MSH3: variants seen among roughly 807,000 people sequenced by gnomAD.
MSH3 encodes mutS homolog 3.
MSH3 carries 106 observed loss-of-function variants against 123.3 expected under a neutral mutation model. The ratio of observed to expected loss-of-function variants is 0.86; its 90% CI spans 0.73 to 1.01. The LOEUF is 1.01. Among genes scored for constraint, MSH3 ranks in the 50% least tolerant of loss-of-function variants. The pLI is 0.00. For missense variants in MSH3, 1,459 were observed against 1,347.6 expected (o/e 1.08, Z -1.29); for synonymous variants, 515 against 481.4 (o/e 1.07, Z -0.91).
At chr5:80,871,344 C>T (rs1746212567) in intron 22 of MSH3, among the ~76,000 whole-genome samples, 1 of 152,182 alleles carries the variant, frequency 6.6e-6, no homozygotes, top group African/African-American at 2.4e-5. Flanking sequence ...CTTAGAACAA[C>T]AAACATTTAT....
In MSH3 at chr5:80,831,925, G is replaced by A. The variant is rs181955684; in HGVS notation, c.2813+18184G>A. On this transcript the variant is annotated intron_variant, in intron 20 of 23. Transcript: ENST00000265081. ...AGATCGAGACCATCCTGGCTAACAC[G>A]GTGAAACCCTGTCTCTACTAAAAAT... is the stretch of plus-strand genomic sequence containing the variant. Among the ~76,000 whole-genome samples the A allele has an allele frequency of 7.4e-3, 1,120 of 152,040 alleles. 16 individuals are homozygous for A. Among genetic ancestry groups the A allele is most frequent in the African/African-American group, 0.026 (1,080 of 41,486 alleles).
chr5:80,671,284 A>G (rs1249470820), intron 4 of MSH3, among the ~76,000 whole-genome samples: 1 of 152,206 alleles, frequency 6.6e-6, no homozygotes, highest in African/African-American at 2.4e-5. Context: ...TGATGATTCT[A>G]TAGTTTGGGA....
chr5:80,778,366 TC>T (rs1019481879), intron 16 of MSH3, among the ~76,000 whole-genome samples: 3 of 152,228 alleles, frequency 2.0e-5, no homozygotes, highest in African/African-American at 7.2e-5. Context: ...TGTATCTACC[TC>T]CCAGCTTTGT....
intron 8 of MSH3, among the ~76,000 whole-genome samples, chr5:80,687,925 T>C (rs1040452226): frequency 6.6e-6 from 1 of 151,848 alleles, no homozygotes; most frequent in African/African-American, 2.4e-5. Flanking sequence ...ATGCCAATAG[T>C]TGGGAATAGG....
rs1377555980 is a variant in MSH3 at position 80,787,643 on chromosome 5, C to T, written c.2514C>T (p.Ala838=). 1.2e-6 allele frequency: 2 copies of T among 1,613,756 alleles called. No homozygotes were observed. The highest frequency in any genetic ancestry group is 1.1e-5 in the South Asian group (1 of 91,084). The change falls in exon 18 of 24, where the codon GCC becomes GCT. Residue 838 remains alanine (A), a synonymous_variant. Transcript: ENST00000265081. ...CTGTTGACTGCATTTTCTCCCTGGC[C>T]AAGGTCGCTAAGCAAGGAGATTACT... ...LATVDCIFSL[A]KVAKQGDYCR... is the part of the protein sequence containing the mutation.
At chr5:80,727,474 A>C (rs1043672063) in intron 9 of MSH3, among the ~76,000 whole-genome samples, 2 of 152,210 alleles carry the variant, frequency 1.3e-5, no homozygotes, top group African/African-American at 4.8e-5. Flanking sequence ...AGTCGTATAT[A>C]AGGAAAAAAG....
Position 80,826,768 on chromosome 5 carries a change from C to T in MSH3, c.2813+13027C>T, listed in dbSNP as rs539763983. On this transcript the variant is annotated intron_variant, in intron 20 of 23. Coordinates refer to ENST00000265081, the MANE Select transcript of MSH3 (RefSeq NM_002439.5). ...TTCACCACATTGGGCAAGCTGGTCTCGAACTCCTAACCTCAGGTAATCCAC... is the reference window on the plus strand; with the variant it reads ...TTCACCACATTGGGCAAGCTGGTCTTGAACTCCTAACCTCAGGTAATCCAC... Among the ~76,000 whole-genome samples the T allele has an allele frequency of 1.4e-4, 22 of 152,082 alleles. 1 individual carries two copies. Among genetic ancestry groups the T allele is most frequent in the Non-Finnish European group, 5.9e-5 (4 of 68,014 alleles).
chr5:80,673,019 G>C (rs1749757911), intron 6 of MSH3, among the ~76,000 whole-genome samples, 161 bp downstream of exon 6: 1 of 152,122 alleles, frequency 6.6e-6, no homozygotes, highest in Non-Finnish European at 1.5e-5. Context: ...TATTCAAGAG[G>C]GAAGTAGTGG....
chr5:80,869,071 AAC>A (rs767594228), intron 22 of MSH3, among the ~76,000 whole-genome samples: 3 of 152,192 alleles, frequency 2.0e-5, no homozygotes, highest in Non-Finnish European at 4.4e-5. Context: ...ACAATGGACA[AAC>A]AGTTAAGAAA....
chr5:80,789,575 T>A (rs1237072842), intron 18 of MSH3, among the ~76,000 whole-genome samples: 1 of 152,190 alleles, frequency 6.6e-6, no homozygotes, highest in Non-Finnish European at 1.5e-5. Flanking sequence ...TTTACCATGT[T>A]GGCCAGGCTG....
chr5:80,844,474 G>A (rs1745682555), intron 20 of MSH3, among the ~76,000 whole-genome samples: 1 of 152,102 alleles, frequency 6.6e-6, no homozygotes, highest in South Asian at 2.1e-4. Context: ...CTGTCTCATT[G>A]ATCTGTCTAA....
At chr5:80,773,476 G>T (rs1350292531) in intron 15 of MSH3, among the ~76,000 whole-genome samples, 1 of 152,084 alleles carries the variant, frequency 6.6e-6, no homozygotes, top group Non-Finnish European at 1.5e-5. Context: ...GTTCAAAACA[G>T]TTTTCTAATG....
intron 18 of MSH3, among the ~76,000 whole-genome samples, chr5:80,788,802 CA>C (rs199590090): frequency 0.17 from 15,712 of 89,936 alleles, 1,024 homozygotes; most frequent in East Asian, 0.39. Context: ...GAGCCTGTCT[CA>C]AAAAAAAAAA....
chr5:80,713,726 G>A (rs1750901865), intron 8 of MSH3, among the ~76,000 whole-genome samples: 1 of 152,098 alleles, frequency 6.6e-6, no homozygotes, highest in South Asian at 2.1e-4. Context: ...CATGTCTTTG[G>A]AGCAGATTTC....
At chr5:80,816,769 G>C (rs1745108558) in intron 20 of MSH3, among the ~76,000 whole-genome samples, 1 of 152,192 alleles carries the variant, frequency 6.6e-6, no homozygotes, top group South Asian at 2.1e-4. Context: ...CGATAGATAG[G>C]GGTATGGCAG....
chr5:80,833,311 T>G (rs1745451105), intron 20 of MSH3, among the ~76,000 whole-genome samples: 1 of 152,198 alleles, frequency 6.6e-6, no homozygotes. Flanking sequence ...TGACTGTAAA[T>G]ACAGACAGCT....
chr5:80,826,841 G>A (rs992003102), intron 20 of MSH3, among the ~76,000 whole-genome samples: 2 of 75,754 alleles, frequency 2.6e-5, no homozygotes, highest in African/African-American at 4.3e-5. Context: ...GAGCCACCGC[G>A]CCCGGCCTCC....
chr5:80,692,020 G>T (rs142457794), intron 8 of MSH3, among the ~76,000 whole-genome samples: 336 of 26,868 alleles, frequency 0.013, 39 homozygotes, highest in Middle Eastern at 0.091. Flanking sequence ...TATATGTTTA[G>T]ATAGATAAAC....
chr5:80,779,365 G>A (rs951615858), intron 17 of MSH3, among the ~76,000 whole-genome samples: 2 of 151,940 alleles, frequency 1.3e-5, no homozygotes, highest in Non-Finnish European at 2.9e-5. Context: ...TTCATCACAT[G>A]TTAGCATTTG....
Sources: gnomAD v4.1 joint callset for allele counts (sites outside exome capture counted in the v4.1 genomes callset) on GRCh38, gnomAD v4.1.1 for gene constraint, MANE v1.5 for transcripts, NCBI Gene and HGNC (gene_info 2026-07-23, HGNC 2026-07-21) for gene names.